Variants in THADA observed in about 807,000 individuals in gnomAD.
THADA encodes THADA armadillo repeat containing.
A neutral mutation model predicts 219.8 loss-of-function variants in THADA; 213 were observed. That is an observed-to-expected ratio of 0.97 (90% confidence interval 0.87 to 1.09). The LOEUF is 1.09. THADA is among the 50% of genes least tolerant of loss of function. THADA has a pLI of 0.00. For missense variants in THADA, 2,956 were observed against 2,311.3 expected (o/e 1.28, Z -5.72); for synonymous variants, 1,018 against 828.9 (o/e 1.23, Z -3.92).
At chr2:43,587,158 G>A (rs1276907958) in intron 4 of THADA, among the ~76,000 whole-genome samples, 156 bp from the exon 5 acceptor site, 1 of 152,126 alleles carries the variant, frequency 6.6e-6, no homozygotes, top group African/African-American at 2.4e-5. Flanking sequence ...CGAATTTCCT[G>A]GCTTGTCAGC....
rs1219108731 is a variant in THADA, at chr2:43,570,498, T to C, written c.2077A>G (p.Ile693Val). Residue 693 changes from isoleucine to valine, a missense_variant, in exon 14 of 38, where the codon ATA (isoleucine) becomes GTA (valine). Ile to Val is a conservative substitution (Grantham distance 29). Coordinates refer to ENST00000405975, the MANE Select transcript of THADA (RefSeq NM_022065.5). ...CSLLKKLFCR[I>V]QESSQVLYKL... Reference sequence around the variant, plus strand: ...TAAAGTACCTGAGAACTTTCCTGTATCCTACAAAACAACTTTTGAAACAAA... The same window carrying C: ...TAAAGTACCTGAGAACTTTCCTGTACCCTACAAAACAACTTTTGAAACAAA... 2 of 1,607,624 alleles carry C rather than the reference T, an allele frequency of 1.2e-6. No individual in the cohort carries two copies. The highest frequency in any genetic ancestry group is 2.2e-5 in the East Asian group (1 of 44,762).
chr2:43,324,547 G>T (rs1679105527), intron 30 of THADA, among the ~76,000 whole-genome samples: 1 of 152,238 alleles, frequency 6.6e-6, no homozygotes, highest in Admixed American at 6.5e-5. Flanking sequence ...CTTGAGGACA[G>T]CCAAGGCCTT....
At chr2:43,580,362 T>C (rs1384638009) in intron 8 of THADA, among the ~76,000 whole-genome samples, 1 of 152,038 alleles carries the variant, frequency 6.6e-6, no homozygotes. Context: ...ATTAAAATCA[T>C]GTATTCTCTA....
chr2:43,552,443 T>C, intron 17 of THADA, 104 bp from the exon 18 acceptor site: 1 of 1,213,616 alleles, frequency 8.2e-7, no homozygotes. Flanking sequence ...TCAAATGAAC[T>C]TTACACTAGA....
intron 31 of THADA, among the ~76,000 whole-genome samples, chr2:43,301,975 T>G (rs1459845139): frequency 6.6e-6 from 1 of 152,190 alleles, no homozygotes. Context: ...TAACTGAAGT[T>G]TGATCCAGTC....
chr2:43,442,143 T>C (rs142749470), intron 26 of THADA, among the ~76,000 whole-genome samples: 120 of 152,144 alleles, frequency 7.9e-4, no homozygotes, highest in Admixed American at 2.2e-3. Context: ...TGTGGGGAAA[T>C]TGGAAACCAA....
rs1696832346 is a variant in THADA at position 43,552,219 on chromosome 2, T to C, written c.2795A>G (p.Gln932Arg). 4 of 1,608,380 alleles carry C rather than the reference T, an allele frequency of 2.5e-6. No individual in the cohort carries two copies. In the African/African-American group the frequency reaches 5.3e-5, roughly 21 times the overall value. ...AAATCCTTACTTTAGAGATAACTTC[T>C]GCAAAGCTCCTGTTATACAGTGGAC... ...GRVHCITGALQKLSLNSLQLV... is the reference protein window; with the variant it reads ...GRVHCITGALRKLSLNSLQLV... The change falls in exon 18 of 38, where the codon CAG becomes CGG. Residue 932 changes from glutamine to arginine, a missense_variant. Transcript: ENST00000405975.
chr2:43,569,192 G>A (rs1374096666), intron 14 of THADA, among the ~76,000 whole-genome samples: 1 of 152,086 alleles, frequency 6.6e-6, no homozygotes, highest in African/African-American at 2.4e-5. Context: ...GCCCAGGCTA[G>A]TCTTGAAGTC....
At chr2:43,231,427 T>G in intron 37 of THADA, 84 bp from the exon 38 acceptor site, 2 of 1,379,876 alleles carry the variant, frequency 1.4e-6, no homozygotes, top group East Asian at 2.6e-5. Flanking sequence ...CCCTGCCAGA[T>G]GCAAGAGGGG....
chr2:43,336,381 C>T lies in THADA; in HGVS notation c.4343+7741G>A, dbSNP rs1184923631. On this transcript the variant is annotated intron_variant, in intron 30 of 37. Coordinates refer to ENST00000405975, the MANE Select transcript of THADA (RefSeq NM_022065.5). ...CCGCCTCCCAGGTTCAAGTGATTCT[C>T]CTGCCTCAGCCTCCCGAGTAGCTGG... Among the ~76,000 whole-genome samples the T allele has an allele frequency of 2.6e-5, 4 of 152,112 alleles. No individual in the cohort carries two copies. In the South Asian group the frequency reaches 6.2e-4, roughly 24 times the overall value.
intron 21 of THADA, among the ~76,000 whole-genome samples, chr2:43,538,805 G>C (rs1377340712): frequency 6.6e-6 from 1 of 152,086 alleles, no homozygotes; most frequent in Non-Finnish European, 1.5e-5. Context: ...AGCTCTAATG[G>C]TTTGTGAATA....
At chr2:43,497,058 G>T (rs183723623) in intron 25 of THADA, among the ~76,000 whole-genome samples, 1 of 152,164 alleles carries the variant, frequency 6.6e-6, no homozygotes, top group Non-Finnish European at 1.5e-5. Flanking sequence ...TAAGGCTGTG[G>T]AGAAATAGGA....
intron 36 of THADA, among the ~76,000 whole-genome samples, chr2:43,265,930 A>AACAC (rs56173099): frequency 7.0e-4 from 87 of 124,792 alleles, no homozygotes; most frequent in Non-Finnish European, 1.0e-3. Flanking sequence ...TTACTTTTGA[A>AACAC]ACACACACAC....
At chr2:43,566,976 T>C (rs561518289) in intron 14 of THADA, among the ~76,000 whole-genome samples, 155 bp from the exon 15 acceptor site, 1 of 152,282 alleles carries the variant, frequency 6.6e-6, no homozygotes, top group South Asian at 2.1e-4. Flanking sequence ...TGCTTAATAA[T>C]TCAGGTTAGC....
At chr2:43,501,817 G>A (rs1245071403) in intron 24 of THADA, among the ~76,000 whole-genome samples, 1 of 152,148 alleles carries the variant, frequency 6.6e-6, no homozygotes, top group African/African-American at 2.4e-5. Context: ...GGTGGCACAT[G>A]CCTGTAATCC....
Position 43,302,350 on chromosome 2 carries a change from T to G in THADA, c.4439-9137A>C, listed in dbSNP as rs1056517820. ...GGCTGGAGCTTTTTTCAGCCCTCCT[T>G]GTTTGGAAAGTCTTTGTACTTTCCC... On this transcript the variant is annotated intron_variant, in intron 31 of 37. Coordinates refer to ENST00000405975, the MANE Select transcript of THADA (RefSeq NM_022065.5). Among the ~76,000 whole-genome samples the G allele has an allele frequency of 8.8e-4, 134 of 152,298 alleles. 2 individuals are homozygous for G. Among genetic ancestry groups the G allele is most frequent in the Non-Finnish European group, 2.6e-4 (18 of 68,016 alleles).
intron 30 of THADA, among the ~76,000 whole-genome samples, chr2:43,322,839 C>A (rs1334645497): frequency 6.6e-6 from 1 of 151,732 alleles, no homozygotes; most frequent in African/African-American, 2.4e-5. Context: ...GCGCCCGCCG[C>A]CACGCCCGGC....
chr2:43,538,074 T>C (rs1006359326), intron 21 of THADA, among the ~76,000 whole-genome samples: 1 of 152,192 alleles, frequency 6.6e-6, no homozygotes, highest in African/African-American at 2.4e-5. Context: ...ATCTACCTAG[T>C]AGTTTCTTTT....
intron 15 of THADA, chr2:43,563,442 T>C (rs1191930860): frequency 6.6e-6 from 1 of 152,162 alleles, no homozygotes; most frequent in Admixed American, 6.6e-5. Flanking sequence ...AGAACTTATC[T>C]ACATCTTGTA....
Sources: gnomAD v4.1 joint callset for allele counts (sites outside exome capture counted in the v4.1 genomes callset) on GRCh38, gnomAD v4.1.1 for gene constraint, MANE v1.5 for transcripts, NCBI Gene and HGNC (gene_info 2026-07-23, HGNC 2026-07-21) for gene names.